TSPAN12: variants seen among roughly 807,000 people sequenced by gnomAD.
TSPAN12 encodes the protein tetraspanin-12.
In TSPAN12, 19 loss-of-function variants were observed where a neutral mutation model predicts 39.2. That is an observed-to-expected ratio of 0.49 (90% CI 0.34 to 0.71). The LOEUF is 0.71. TSPAN12 is among the 30% of genes least tolerant of loss of function. The probability of loss-of-function intolerance (pLI) is 0.01; values close to 1 mark genes in which losing one functional copy is unlikely to be tolerated. For missense variants in TSPAN12, 314 were observed against 359.9 expected (o/e 0.87, Z 1.03); for synonymous variants, 119 against 124.8 (o/e 0.95, Z 0.31).
chr7:120,840,165 G>A lies in TSPAN12; in HGVS notation c.67-56C>T, dbSNP rs1794551060. On this transcript the variant is annotated intron_variant, in intron 2 of 7. Transcript: ENST00000222747. ...AAAGATTTACGTAACATTCACTGCA[G>A]GATTAATAATAGGAAAATTAAGGAT... The A allele has an allele frequency of 2.4e-6, 3 of 1,250,236 alleles. No homozygotes were observed. In the Admixed American group the frequency reaches 5.0e-5, roughly 21 times the overall value. 77.4% of individuals were successfully genotyped at this position (1,250,236 alleles called of 1,614,324 possible). A position where few individuals can be genotyped will look rare whatever the true frequency, so the allele number is the denominator to read the frequency against.
chr7:120,816,108 C>A (rs965773082), intron 4 of TSPAN12, among the ~76,000 whole-genome samples: 1 of 152,136 alleles, frequency 6.6e-6, no homozygotes, highest in Non-Finnish European at 1.5e-5. Context: ...TAATCAAGTT[C>A]TCCAAGAAAG....
chr7:120,818,871 G>C (rs1221262502), intron 4 of TSPAN12, among the ~76,000 whole-genome samples: 1 of 152,034 alleles, frequency 6.6e-6, no homozygotes, highest in Non-Finnish European at 1.5e-5. Context: ...AGTATGATTA[G>C]AAGAAATTTC....
intron 4 of TSPAN12, among the ~76,000 whole-genome samples, chr7:120,825,888 G>A (rs1361413951): frequency 1.3e-5 from 2 of 152,066 alleles, no homozygotes; most frequent in Non-Finnish European, 2.9e-5. Flanking sequence ...CATTCACCAC[G>A]TCAATATCTC....
At chr7:120,821,982 G>A (rs1371692732) in intron 4 of TSPAN12, among the ~76,000 whole-genome samples, 2 of 152,120 alleles carry the variant, frequency 1.3e-5, no homozygotes, top group Non-Finnish European at 2.9e-5. Flanking sequence ...CAGGATGGGT[G>A]TGGAGGGTGG....
chr7:120,809,108 C>T (rs1156498754), intron 6 of TSPAN12, among the ~76,000 whole-genome samples: 2 of 151,980 alleles, frequency 1.3e-5, no homozygotes, highest in African/African-American at 4.8e-5. Context: ...CAGAAGTCTT[C>T]ACCATCTCCA....
chr7:120,826,359 G>T (rs142955704), intron 4 of TSPAN12, among the ~76,000 whole-genome samples: 2 of 152,044 alleles, frequency 1.3e-5, no homozygotes, highest in African/African-American at 4.8e-5. Flanking sequence ...ATAAAACATC[G>T]GAGCACACTA....
intron 7 of TSPAN12, among the ~76,000 whole-genome samples, chr7:120,793,391 T>A (rs1793571274): frequency 6.6e-6 from 1 of 152,240 alleles, no homozygotes; most frequent in South Asian, 2.1e-4. Context: ...TAGTTGGGAC[T>A]TGGTGTCCTT....
At chr7:120,805,290 AATTAC>A (rs1204863290) in intron 7 of TSPAN12, among the ~76,000 whole-genome samples, 3 of 152,196 alleles carry the variant, frequency 2.0e-5, no homozygotes, top group Non-Finnish European at 2.9e-5. Flanking sequence ...TCTTTTAATT[AATTAC>A]AACATCCAAA....
chr7:120,800,765 T>C (rs1793753974), intron 7 of TSPAN12, among the ~76,000 whole-genome samples: 1 of 149,564 alleles, frequency 6.7e-6, no homozygotes, highest in Admixed American at 6.7e-5. Context: ...TTTTTTTTTT[T>C]TGAGACAGAG....
At chr7:120,789,635 A>T (rs1384573124) in intron 7 of TSPAN12, among the ~76,000 whole-genome samples, 4 of 152,250 alleles carry the variant, frequency 2.6e-5, no homozygotes, top group Admixed American at 6.5e-5. Context: ...AAGCATCTTT[A>T]TATGACACAG....
intron 4 of TSPAN12, among the ~76,000 whole-genome samples, chr7:120,828,015 A>G (rs546277293): frequency 8.1e-4 from 123 of 152,322 alleles, no homozygotes; most frequent in African/African-American, 2.9e-3. Flanking sequence ...AACTAAAGAC[A>G]TCTAGATTAA....
chr7:120,850,072 G>T (rs945367624), intron 2 of TSPAN12, among the ~76,000 whole-genome samples: 1 of 152,200 alleles, frequency 6.6e-6, no homozygotes, highest in Non-Finnish European at 1.5e-5. Flanking sequence ...GAGCAAACAG[G>T]TAACACTATT....
chr7:120,817,387 TC>T (rs1794104772), intron 4 of TSPAN12, among the ~76,000 whole-genome samples: 1 of 129,498 alleles, frequency 7.7e-6, no homozygotes, highest in African/African-American at 3.6e-5. Context: ...AGAACCTGTC[TC>T]AAAAAAAAAG....
intron 4 of TSPAN12, among the ~76,000 whole-genome samples, chr7:120,826,555 A>G (rs1250106632): frequency 6.6e-6 from 1 of 152,150 alleles, no homozygotes; most frequent in Non-Finnish European, 1.5e-5. Context: ...CCATACATGA[A>G]CATGCAAACA....
rs1413775726 is a variant in TSPAN12, at chr7:120,838,820, C to T, written c.242G>A (p.Gly81Glu). 1 of 1,613,958 alleles carries T rather than the reference C, an allele frequency of 6.2e-7. No individual in the cohort carries two copies. The highest frequency in any genetic ancestry group is 8.5e-7 in the Non-Finnish European group (1 of 1,179,924). ...ATTTCTTTTCACCGTTCCACAATAT[C>T]CTAACATCCCCACAATGATAAGGAA... ...CCFLIIVGML[G>E]YCGTVKRNLL... Residue 81 changes from glycine to glutamate, a missense_variant, in exon 4 of 8, where the codon GGA becomes GAA. Gly to Glu is a moderately conservative substitution (Grantham distance 98). Coordinates refer to ENST00000222747, the MANE Select transcript of TSPAN12 (RefSeq NM_012338.4).
chr7:120,831,031 A>T (rs560881001), intron 4 of TSPAN12, among the ~76,000 whole-genome samples: 1 of 152,016 alleles, frequency 6.6e-6, no homozygotes, highest in Non-Finnish European at 1.5e-5. Flanking sequence ...CCAACAGAAG[A>T]CAAAGAGATG....
At chr7:120,812,431 T>G (rs1399963174) in intron 5 of TSPAN12, among the ~76,000 whole-genome samples, 1 of 151,892 alleles carries the variant, frequency 6.6e-6, no homozygotes, top group East Asian at 1.9e-4. Flanking sequence ...AACACAAAGA[T>G]AGAGAACCAA....
chr7:120,804,866 C>A, intron 7 of TSPAN12, among the ~76,000 whole-genome samples: 1 of 152,018 alleles, frequency 6.6e-6, no homozygotes, highest in East Asian at 1.9e-4. Flanking sequence ...GAAGATGAAA[C>A]AGATCAGGGT....
In TSPAN12 at chr7:120,806,708, C is replaced by T; in HGVS notation, c.469-16G>A. On this transcript the variant is annotated splice_polypyrimidine_tract_variant and intron_variant, in intron 6 of 7. Coordinates refer to ENST00000222747, the MANE Select transcript of TSPAN12 (RefSeq NM_012338.4). ...AGCACTTAAACTGCAAAAAAAATCA[C>T]TAGTCAGCCTCAGAAACCACAAAAA... 6.2e-7 allele frequency: 1 copy of T among 1,612,952 alleles called. No homozygotes were observed. The highest frequency in any genetic ancestry group is 8.5e-7 in the Non-Finnish European group (1 of 1,179,212).
Sources: gnomAD v4.1 joint callset for allele counts (sites outside exome capture counted in the v4.1 genomes callset) on GRCh38, gnomAD v4.1.1 for gene constraint, MANE v1.5 for transcripts, NCBI Gene and HGNC (gene_info 2026-07-23, HGNC 2026-07-21) for gene names.